Variants in TNFSF11 observed in about 807,000 individuals in gnomAD.
TNFSF11 encodes the protein tumor necrosis factor ligand superfamily member 11.
TNFSF11 carries 12 observed loss-of-function variants against 32.2 expected under a neutral mutation model. The observed-to-expected ratio is 0.37, with a 90% CI of 0.24 to 0.60. TNFSF11 has a LOEUF of 0.60. Among genes scored for constraint, TNFSF11 ranks in the 20% least tolerant of loss-of-function variants. TNFSF11 has a pLI of 0.66. For missense variants in TNFSF11, 345 were observed against 398.0 expected, an observed-to-expected ratio of 0.87 and a Z score of 1.13; for synonymous variants, 172 against 152.1, an observed-to-expected ratio of 1.13 and a Z score of -0.96.
At position 42,607,589 on chromosome 13, in the gene TNFSF11, T is replaced by G. The variant is rs1473074141; in HGVS notation, c.*671T>G. The G allele has an allele frequency of 2.0e-5, 3 of 152,828 alleles. No homozygotes were observed. Among genetic ancestry groups the G allele is most frequent in the Admixed American group, 2.0e-4 (3 of 15,286 alleles). 9.5% of individuals were successfully genotyped at this position (152,828 alleles called of 1,614,324 possible). A position where few individuals can be genotyped will look rare whatever the true frequency, so the allele number is the denominator to read the frequency against. Reference sequence around the variant, plus strand: ...GCAGCTAAGGAGGGGAAAAAAATGTTGTTTCCTAATATCAAATGCAGTATA... The same window carrying G: ...GCAGCTAAGGAGGGGAAAAAAATGTGGTTTCCTAATATCAAATGCAGTATA... On this transcript the variant is annotated 3_prime_UTR_variant, in exon 5 of 5. Transcript: ENST00000398795.
chr13:42,586,474 C>T (rs1265475689), intron 2 of TNFSF11, among the ~76,000 whole-genome samples: 2 of 152,136 alleles, frequency 1.3e-5, no homozygotes, highest in Non-Finnish European at 2.9e-5. Flanking sequence ...TGCTTCAGTA[C>T]AATAATAACA....
chr13:42,566,052 G>C (rs1872858411), intron 1 of TNFSF11, among the ~76,000 whole-genome samples: 1 of 152,296 alleles, frequency 6.6e-6, no homozygotes, highest in East Asian at 1.9e-4. Flanking sequence ...AGGAATAGAA[G>C]AGCACGGGCC....
At chr13:42,569,547 C>CA (rs71298952), upstream of TNFSF11, among the ~76,000 whole-genome samples, 42,460 of 133,980 alleles carry the variant, frequency 0.32, 6,838 homozygotes, top group South Asian at 0.44. Flanking sequence ...CACTCTGTCT[C>CA]AAAAAAAAAA....
rs200387399 is a variant in TNFSF11, at chr13:42,607,037, C to G, written c.*119C>G. On this transcript the variant is annotated 3_prime_UTR_variant, in exon 5 of 5. Transcript: ENST00000398795. ...TAAGAGGCATGGCCCCAACGGTACACGACTCAGTATCCATGCTCTTGACCT... is the reference window on the plus strand; with the variant it reads ...TAAGAGGCATGGCCCCAACGGTACAGGACTCAGTATCCATGCTCTTGACCT... 5.8e-5 allele frequency: 73 copies of G among 1,265,940 alleles called. No individual in the cohort carries two copies. The South Asian group carries it at 6.3e-4, about 11-fold the overall frequency. 78.4% of individuals were successfully genotyped at this position (1,265,940 alleles called of 1,614,324 possible).
chr13:42,601,011 A>G (rs771528930), intron 4 of TNFSF11, 30 bp downstream of exon 4: 7 of 1,611,686 alleles, frequency 4.3e-6, no homozygotes, highest in African/African-American at 1.3e-5. Flanking sequence ...AGCCTGAAAA[A>G]TATTTTAAGA....
chr13:42,574,085 G>A, upstream of TNFSF11: 4 of 589,652 alleles, frequency 6.8e-6, no homozygotes, highest in South Asian at 4.1e-5. Context: ...CCTCGCCTGG[G>A]GCTGATTGGC....
intron 1 of TNFSF11, among the ~76,000 whole-genome samples, chr13:42,579,415 CAAAAAA>C (rs34345592): frequency 3.5e-5 from 4 of 112,940 alleles, no homozygotes; most frequent in African/African-American, 1.1e-4. Context: ...ACCCTGTCTT[CAAAAAA>C]AAAAAAAAAA....
intron 4 of TNFSF11, among the ~76,000 whole-genome samples, chr13:42,605,107 C>G (rs992125043): frequency 3.9e-5 from 6 of 152,174 alleles, no homozygotes; most frequent in African/African-American, 1.4e-4. Flanking sequence ...CGATGAGGCT[C>G]TCATAAGGAT....
At chr13:42,591,338 G>A (rs1480493621) in intron 2 of TNFSF11, among the ~76,000 whole-genome samples, 3 of 152,036 alleles carry the variant, frequency 2.0e-5, no homozygotes, top group South Asian at 2.1e-4. Context: ...ACCTACCTTC[G>A]CTCCTCCTAT....
In TNFSF11 at chr13:42,606,913, G is replaced by T. The variant is rs1350071739; in HGVS notation, c.949G>T (p.Asp317Tyr). The change falls in exon 5 of 5, where the codon GAT becomes TAT. Residue 317 changes from aspartate (D) to tyrosine (Y), a missense_variant. Asp to Tyr is a radical substitution (Grantham distance 160, BLOSUM62 -3). Coordinates refer to ENST00000398795, the MANE Select transcript of TNFSF11 (RefSeq NM_003701.4). ...TGGGGCTTTTAAAGTTCGAGATATA[G>T]ATTGAGCCCCAGTTTTTGGAGTGTT... ...YFGAFKVRDI[D>Y] The T allele has an allele frequency of 1.2e-6, 2 of 1,614,058 alleles. No individual in the cohort carries two copies. Among genetic ancestry groups the T allele is most frequent in the African/African-American group, 1.3e-5 (1 of 74,920 alleles).
upstream of TNFSF11, among the ~76,000 whole-genome samples, chr13:42,569,621 A>C (rs1425698957): frequency 6.6e-6 from 1 of 151,982 alleles, no homozygotes; most frequent in Admixed American, 6.6e-5. Context: ...GTCAGAGAGA[A>C]GCTGTGAGGA....
chr13:42,600,918 A>T lies in TNFSF11; in HGVS notation c.469A>T (p.Arg157Trp), dbSNP rs1869140135. 1.2e-6 allele frequency: 2 copies of T among 1,614,008 alleles called. No individual in the cohort carries two copies. Among genetic ancestry groups the T allele is most frequent in the Non-Finnish European group, 1.7e-6 (2 of 1,180,002 alleles). Residue 157 changes from arginine (R) to tryptophan (W), a missense_variant, in exon 4 of 5, where the codon AGG (arginine) becomes TGG (tryptophan). Physicochemically the swap from Arg to Trp is moderately radical, Grantham distance 101. This residue lies in a region of TNFSF11 where 148 missense variants were observed against 216.0 expected (regional missense o/e 0.69). Coordinates refer to ENST00000398795, the MANE Select transcript of TNFSF11 (RefSeq NM_003701.4). ...VDGSWLDLAK[R>W]SKLEAQPFAH... is the part of the protein sequence containing the mutation. ...TGGCTCATGGTTAGATCTGGCCAAG[A>T]GGAGCAAGCTTGAAGCTCAGCCTTT...
At chr13:42,586,947 C>T (rs1873928482) in intron 2 of TNFSF11, among the ~76,000 whole-genome samples, 1 of 152,110 alleles carries the variant, frequency 6.6e-6, no homozygotes, top group Non-Finnish European at 1.5e-5. Flanking sequence ...TTAATATACC[C>T]AAAGATTTGT....
intron 1 of TNFSF11, among the ~76,000 whole-genome samples, chr13:42,576,719 T>G (rs1873334595): frequency 6.6e-6 from 1 of 152,238 alleles, no homozygotes. Flanking sequence ...TACTGGATAT[T>G]GTGTCTACAA....
chr13:42,598,971 TG>T (rs1212907334), intron 2 of TNFSF11, among the ~76,000 whole-genome samples: 3 of 152,064 alleles, frequency 2.0e-5, no homozygotes, highest in Non-Finnish European at 4.4e-5. Flanking sequence ...AAACGAGGCC[TG>T]GGAAGGGCCA....
chr13:42,587,824 T>G (rs1873971603), intron 2 of TNFSF11, among the ~76,000 whole-genome samples: 2 of 152,264 alleles, frequency 1.3e-5, no homozygotes, highest in Non-Finnish European at 2.9e-5. Flanking sequence ...CTCATTCCTA[T>G]TTTTGAACTA....
At chr13:42,563,261 T>C (rs1339282864) in intron 1 of TNFSF11, among the ~76,000 whole-genome samples, 2 of 152,186 alleles carry the variant, frequency 1.3e-5, no homozygotes, top group African/African-American at 2.4e-5. Context: ...TAACTTGAAA[T>C]TGAATCAAAG....
chr13:42,601,208 A>G lies in TNFSF11; in HGVS notation c.532+227A>G, dbSNP rs76210327. On this transcript the variant is annotated intron_variant, in intron 4 of 4. Coordinates refer to ENST00000398795, the MANE Select transcript of TNFSF11 (RefSeq NM_003701.4). ...CCCTATTCATTTTCAGATCATCAGAATGGATGCTTATTTTAAATGACTGCC... is the reference window on the plus strand; with the variant it reads ...CCCTATTCATTTTCAGATCATCAGAGTGGATGCTTATTTTAAATGACTGCC... Among the ~76,000 whole-genome samples, 352 of 152,344 alleles carry G rather than the reference A, an allele frequency of 2.3e-3. 2 individuals carry two copies. The South Asian group carries it at 0.027, about 12-fold the overall frequency.
Position 42,574,308 on chromosome 13 carries a change from G to T in TNFSF11, c.5G>T (p.Arg2Leu), listed in dbSNP as rs1406562580. Residue 2 changes from arginine to leucine, a missense_variant, in exon 1 of 5, where the codon CGC (arginine) becomes CTC (leucine). Coordinates refer to ENST00000398795, the MANE Select transcript of TNFSF11 (RefSeq NM_003701.4). ...GAAGCGAGAGGGCCGAGCGCCATGC[G>T]CCGCGCCAGCAGAGACTACACCAAG... is the stretch of plus-strand genomic sequence containing the variant. MRRASRDYTKYL... is the reference protein window; with the variant it reads MLRASRDYTKYL... 2.6e-6 allele frequency: 4 copies of T among 1,545,908 alleles called. No individual in the cohort carries two copies. Among genetic ancestry groups the T allele is most frequent in the Middle Eastern group, 2.3e-4 (1 of 4,378 alleles).
Sources: gnomAD v4.1 joint callset for allele counts (sites outside exome capture counted in the v4.1 genomes callset) on GRCh38, gnomAD v4.1.1 for gene constraint, gnomAD v4.1.1 regional missense constraint, MANE v1.5 for transcripts, NCBI Gene and HGNC (gene_info 2026-07-23, HGNC 2026-07-21) for gene names.